Variants in KIAA1755 observed in about 807,000 individuals in gnomAD.
KIAA1755 encodes the protein KIAA1755.
KIAA1755 carries 68 observed loss-of-function variants against 91.7 expected under a neutral mutation model. That is an observed-to-expected ratio of 0.74 (90% CI 0.61 to 0.91). The LOEUF is 0.91. KIAA1755 is among the 40% of genes least tolerant of loss of function. The probability of loss-of-function intolerance (pLI) is 0.00; values close to 1 mark genes in which losing one functional copy is unlikely to be tolerated. For synonymous variants in KIAA1755, 610 were observed against 604.6 expected (o/e 1.01, Z -0.13); for missense variants, 1,535 against 1,494.4 (o/e 1.03, Z -0.45).
rs189066219 is a variant in KIAA1755 at position 38,229,719 on chromosome 20, C to T, written c.1872-1479G>A. Among the ~76,000 whole-genome samples, 637 of 152,326 alleles carry T rather than the reference C, an allele frequency of 4.2e-3. 6 individuals are homozygous for T. Among genetic ancestry groups the T allele is most frequent in the African/African-American group, 0.014 (600 of 41,578 alleles). ...CATCCTCTACACCCCCTCATCCCTG[C>T]CACTTGTGCCCAGCTTGGTCCTTAG... On this transcript the variant is annotated intron_variant, in intron 5 of 13. Coordinates refer to ENST00000279024, the MANE Select transcript of KIAA1755 (RefSeq NM_001029864.2).
intron 10 of KIAA1755, among the ~76,000 whole-genome samples, chr20:38,221,678 C>A (rs1489361177): frequency 1.3e-5 from 2 of 152,192 alleles, no homozygotes; most frequent in Non-Finnish European, 2.9e-5. Flanking sequence ...GAGAAAAATG[C>A]TGGACACATA....
chr20:38,256,976 G>A (rs1257831050), intron 1 of KIAA1755, among the ~76,000 whole-genome samples: 1 of 152,102 alleles, frequency 6.6e-6, no homozygotes, highest in Non-Finnish European at 1.5e-5. Context: ...AGTGCTGCCT[G>A]GACACACATC....
intron 11 of KIAA1755, among the ~76,000 whole-genome samples, chr20:38,218,728 GGT>G (rs377110880): frequency 7.9e-5 from 12 of 152,092 alleles, no homozygotes; most frequent in African/African-American, 2.7e-4. Context: ...TCCCTGTTCG[GGT>G]GTGTGTGTGT....
chr20:38,250,095 A>G (rs1166254699), intron 1 of KIAA1755, among the ~76,000 whole-genome samples: 1 of 152,216 alleles, frequency 6.6e-6, no homozygotes, highest in Non-Finnish European at 1.5e-5. Context: ...GATGTTTAGC[A>G]TCTCCTCATA....
chr20:38,259,113 T>C (rs1280146032), intron 1 of KIAA1755, among the ~76,000 whole-genome samples: 1 of 152,188 alleles, frequency 6.6e-6, no homozygotes, highest in Non-Finnish European at 1.5e-5. Flanking sequence ...CTGTTGGAGA[T>C]AGCCGCAGGT....
chr20:38,245,148 T>A (rs549894265), intron 2 of KIAA1755, among the ~76,000 whole-genome samples: 180 of 152,356 alleles, frequency 1.2e-3, no homozygotes, highest in Middle Eastern at 3.4e-3. Flanking sequence ...AATGGGCATA[T>A]GACCCAAGCC....
intron 2 of KIAA1755, 81 bp from the exon 3 acceptor site, chr20:38,242,010 G>A (rs569177880): frequency 5.5e-5 from 77 of 1,407,216 alleles, no homozygotes; most frequent in East Asian, 6.9e-5. Flanking sequence ...CCTCTCCCAC[G>A]TGGAATCTGG....
rs763103758 is a variant in KIAA1755, at chr20:38,217,474, C to T, written c.2680G>A (p.Ala894Thr). Residue 894 changes from alanine to threonine, a missense_variant and splice_region_variant, in exon 13 of 14, where the codon GCC becomes ACC. Physicochemically the swap from Ala to Thr is moderately conservative, Grantham distance 58. Transcript: ENST00000279024. ...AGCTCCAGGCCTCGGCGGTACTGGG[C>T]CTGAGAGGGGAGAGGAGGGGGCGCC... is the stretch of plus-strand genomic sequence containing the variant. Reference protein sequence around the residue: ...EFENFFLQAAAQYRRGLELSK... With the variant: ...EFENFFLQAATQYRRGLELSK... 1 of 1,598,216 alleles carries T rather than the reference C, an allele frequency of 6.3e-7. No individual in the cohort carries two copies. Among genetic ancestry groups the T allele is most frequent in the Non-Finnish European group, 8.5e-7 (1 of 1,171,730 alleles).
chr20:38,242,693 A>G lies in KIAA1755; in HGVS notation c.202-764T>C, dbSNP rs1212723705. On this transcript the variant is annotated intron_variant, in intron 2 of 13. Transcript: ENST00000279024. ...TAGTGTATGAGGGTGAAGTAGAAAC[A>G]GTATTGAATGAGAAGTCAGGAAATC... Among the ~76,000 whole-genome samples, 3 of 152,320 alleles carry G rather than the reference A, an allele frequency of 2.0e-5. No individual in the cohort carries two copies. The East Asian group carries it at 5.8e-4, about 29-fold the overall frequency.
intron 5 of KIAA1755, among the ~76,000 whole-genome samples, chr20:38,229,081 CG>C (rs769281046): frequency 1.3e-5 from 2 of 152,188 alleles, no homozygotes; most frequent in Non-Finnish European, 2.9e-5. Flanking sequence ...CAAGCACCCT[CG>C]GCCAGTCTAA....
At chr20:38,257,162 C>G (rs1277957218) in intron 1 of KIAA1755, among the ~76,000 whole-genome samples, 1 of 152,216 alleles carries the variant, frequency 6.6e-6, no homozygotes, top group South Asian at 2.1e-4. Context: ...GTGGATGAAC[C>G]TGCCTTCTCC....
intron 1 of KIAA1755, among the ~76,000 whole-genome samples, chr20:38,249,562 C>T (rs1238128422): frequency 6.6e-6 from 1 of 152,150 alleles, no homozygotes; most frequent in African/African-American, 2.4e-5. Context: ...CGCAGGGGAC[C>T]GCCATCACTA....
intron 1 of KIAA1755, among the ~76,000 whole-genome samples, chr20:38,255,555 C>T (rs1255642628): frequency 6.6e-6 from 1 of 152,342 alleles, no homozygotes; most frequent in African/African-American, 2.4e-5. Context: ...AATTTCCAGT[C>T]TCAATGACCT....
In KIAA1755 at chr20:38,240,787, C is replaced by G. The variant is rs1288797590; in HGVS notation, c.1344G>C (p.Gly448=). The change falls in exon 3 of 14, where the codon GGG becomes GGC. Residue 448 remains glycine, a synonymous_variant. Transcript: ENST00000279024. ...KIEVKTKERN[G]RLPKPMPCPS... is the part of the protein sequence containing the mutation. ...GGCAGGGCATGGGCTTGGGAAGTCTCCCATTTCTCTCTTTGGTCTTCACCT... is the reference window on the plus strand; with the variant it reads ...GGCAGGGCATGGGCTTGGGAAGTCTGCCATTTCTCTCTTTGGTCTTCACCT... 1 of 1,608,670 alleles carries G rather than the reference C, an allele frequency of 6.2e-7. No individual in the cohort carries two copies.
rs1025534035 is a variant in KIAA1755, at chr20:38,228,031, G to T, written c.1965+116C>A. 17 of 626,286 alleles carry T rather than the reference G, an allele frequency of 2.7e-5. No individual in the cohort carries two copies. The Admixed American group carries it at 4.5e-4, about 17-fold the overall frequency. The allele number at this position is 626,286 out of a possible 1,614,324, so 38.8% of individuals were successfully genotyped here. ...GAGTTTTCTGTTGGCTGCAGTAAAA[G>T]TCCCTGCCTGAGAGTCCTGGTCCCA... is the stretch of plus-strand genomic sequence containing the variant. On this transcript the variant is annotated intron_variant, in intron 6 of 13. Transcript: ENST00000279024.
rs764588561 is a variant in KIAA1755 at position 38,223,607 on chromosome 20, G to T, written c.2199C>A (p.His733Gln). 6.2e-7 allele frequency: 1 copy of T among 1,605,646 alleles called. No homozygotes were observed. Among genetic ancestry groups the T allele is most frequent in the Non-Finnish European group, 8.5e-7 (1 of 1,176,466 alleles). Residue 733 changes from histidine (H) to glutamine (Q), a missense_variant, in exon 9 of 14, where the codon CAC becomes CAA. Transcript: ENST00000279024. ...QKLDPFLADL[H>Q]QASSLLQASI... Reference sequence around the variant, plus strand: ...AAGCTTGTAGCAGGGAAGAGGCCTGGTGGAGGTCAGCAAGGAAAGGGTCCA... The same window carrying T: ...AAGCTTGTAGCAGGGAAGAGGCCTGTTGGAGGTCAGCAAGGAAAGGGTCCA...
intron 1 of KIAA1755, chr20:38,260,199 G>C (rs867491065): frequency 6.9e-7 from 1 of 1,442,084 alleles, no homozygotes; most frequent in Middle Eastern, 2.1e-4. Context: ...TCAGCCCTCA[G>C]CCTCAGGGCT....
chr20:38,212,883 G>A lies in KIAA1755; in HGVS notation c.*159C>T, dbSNP rs1275335402. 1.0e-5 allele frequency: 6 copies of A among 575,510 alleles called. No homozygotes were observed. Among genetic ancestry groups the A allele is most frequent in the Non-Finnish European group, 1.8e-5 (6 of 338,130 alleles). 35.7% of individuals were successfully genotyped at this position (575,510 alleles called of 1,614,324 possible). ...CTTCCAGGAGTTTTCTGGAGCCAGG[G>A]GCAGGTCGACAGTTCTCATCCTCCC... On this transcript the variant is annotated 3_prime_UTR_variant, in exon 14 of 14. Transcript: ENST00000279024.
chr20:38,250,371 G>A (rs533851818), intron 1 of KIAA1755, among the ~76,000 whole-genome samples: 5 of 152,182 alleles, frequency 3.3e-5, no homozygotes, highest in Admixed American at 1.3e-4. Context: ...AAGATTGGGT[G>A]TATTGAGGTA....
Sources: gnomAD v4.1 joint callset for allele counts (sites outside exome capture counted in the v4.1 genomes callset) on GRCh38, gnomAD v4.1.1 for gene constraint, MANE v1.5 for transcripts, NCBI Gene and HGNC (gene_info 2026-07-23, HGNC 2026-07-21) for gene names.